RASGRP2: variants seen among roughly 807,000 people sequenced by gnomAD.
RASGRP2 encodes the protein RAS guanyl-releasing protein 2.
In RASGRP2, 44 loss-of-function variants were observed where a neutral mutation model predicts 71.0. The ratio of observed to expected loss-of-function variants is 0.62; its 90% confidence interval spans 0.49 to 0.80. RASGRP2 has a LOEUF of 0.80. Ranked by LOEUF, RASGRP2 falls within the 30% of genes least tolerant of loss-of-function variation. RASGRP2 has a pLI of 0.00. For synonymous variants in RASGRP2, 350 were observed against 330.7 expected (o/e 1.06, Z -0.63); for missense variants, 663 against 813.4 (o/e 0.82, Z 2.25).
rs2046321908 is a variant in RASGRP2 at position 64,740,349 on chromosome 11, A to G, written c.372-186T>C. The stretch of plus-strand genomic sequence containing the variant: ...CCCGACCCCGTCATGCACTCAACAC[A>G]CATTTATGAACAACGTACTCTGTGC... On this transcript the variant is annotated intron_variant, in intron 5 of 16. Coordinates refer to ENST00000394432, the MANE Select transcript of RASGRP2 (RefSeq NM_001098671.2). 25 of 735,540 alleles carry G rather than the reference A, an allele frequency of 3.4e-5. No homozygotes were observed. The South Asian group carries it at 3.6e-4, about 10-fold the overall frequency. The allele number at this position is 735,540 out of a possible 1,614,324, so 45.6% of individuals were successfully genotyped here. A position where few individuals can be genotyped will look rare whatever the true frequency, so the allele number is the denominator to read the frequency against.
chr11:64,734,159 A>G (rs2057856288), intron 12 of RASGRP2, among the ~76,000 whole-genome samples: 1 of 151,814 alleles, frequency 6.6e-6, no homozygotes, highest in Non-Finnish European at 1.5e-5. Context: ...TAAAAATACA[A>G]AAATTAGCCA....
chr11:64,729,532 G>A (rs2057691161), intron 14 of RASGRP2, among the ~76,000 whole-genome samples: 1 of 151,920 alleles, frequency 6.6e-6, no homozygotes. Context: ...AGGCGGGGTT[G>A]CGCTATGTTG....
chr11:64,735,953 C>T lies in RASGRP2; in HGVS notation c.1123G>A (p.Asp375Asn), dbSNP rs1245280018. Residue 375 changes from aspartate to asparagine, a missense_variant, in exon 10 of 17, where the codon GAT becomes AAT. Transcript: ENST00000394432. This position sits in a 1 kb window ranked among gnomAD's most constrained non-coding sequence, Gnocchi z 4.2. ...TGCAGGGACAGCTGGTACAGCTCAT[C>T]CTCCGTCTGATACTGATCCAGAGAC... is the stretch of plus-strand genomic sequence containing the variant. The part of the protein sequence containing the change: ...TVSLDQYQTE[D>N]ELYQLSLQRE... 1.1e-5 allele frequency: 17 copies of T among 1,613,930 alleles called. No homozygotes were observed. The East Asian group carries it at 3.6e-4, about 34-fold the overall frequency.
chr11:64,742,867 G>A lies in RASGRP2; in HGVS notation c.-1C>T, dbSNP rs1272323240. On this transcript the variant is annotated 5_prime_UTR_variant, in exon 2 of 17. Coordinates refer to ENST00000394432, the MANE Select transcript of RASGRP2 (RefSeq NM_001098671.2). The surrounding 1 kb of genome is among the most constrained non-coding windows in gnomAD (Gnocchi z 4.7). ...TGTCCAGGTCCAGGGTGCCTGCCATGGCCGCCGGCGCGGGGTGGGCTGGGC... is the reference window on the plus strand; with the variant it reads ...TGTCCAGGTCCAGGGTGCCTGCCATAGCCGCCGGCGCGGGGTGGGCTGGGC... The A allele has an allele frequency of 1.3e-6, 2 of 1,590,870 alleles. No individual in the cohort carries two copies. Among genetic ancestry groups the A allele is most frequent in the African/African-American group, 1.3e-5 (1 of 74,708 alleles).
In RASGRP2 at chr11:64,741,873, G is replaced by A. The variant is rs1565520366; in HGVS notation, c.176+137C>T. On this transcript the variant is annotated intron_variant, in intron 3 of 16. Transcript: ENST00000394432. ...GGGCAGAGCCTAGGCCCTAGTTGGA[G>A]GCTGGGACGACGCCTGAGCTCTGGG... The A allele has an allele frequency of 1.9e-5, 15 of 782,648 alleles. No homozygotes were observed. In the South Asian group the frequency reaches 2.3e-4, roughly 12 times the overall value. The allele number at this position is 782,648 out of a possible 1,614,324, so 48.5% of individuals were successfully genotyped here.
chr11:64,744,334 C>T, upstream of RASGRP2: 4 of 985,116 alleles, frequency 4.1e-6, no homozygotes, highest in Non-Finnish European at 4.8e-6. Flanking sequence ...CATACTCACT[C>T]CCCCAGGCTG....
chr11:64,730,874 T>C (rs12420660), intron 12 of RASGRP2, among the ~76,000 whole-genome samples: 12 of 152,114 alleles, frequency 7.9e-5, no homozygotes, highest in Admixed American at 4.6e-4. Context: ...TTGGTGAGGA[T>C]TAAATTAGAT....
chr11:64,731,228 C>T (rs1279927626), intron 12 of RASGRP2, among the ~76,000 whole-genome samples: 1 of 152,032 alleles, frequency 6.6e-6, no homozygotes, highest in Non-Finnish European at 1.5e-5. Context: ...TAGTGGCAGG[C>T]ACCTATAATC....
Position 64,735,489 on chromosome 11 carries a change from C to G in RASGRP2, c.1296+53G>C. 1 of 1,611,946 alleles carries G rather than the reference C, an allele frequency of 6.2e-7. No individual in the cohort carries two copies. Among genetic ancestry groups the G allele is most frequent in the Non-Finnish European group, 8.5e-7 (1 of 1,179,926 alleles). ...ACTCGTGCTGGCTTCCAGGGCAGTG[C>G]TCCGGCAAACTGGCCTCTCCCCACA... On this transcript the variant is annotated intron_variant, in intron 11 of 16. Transcript: ENST00000394432. This position sits in a 1 kb window ranked among gnomAD's most constrained non-coding sequence, Gnocchi z 4.2.
chr11:64,739,112 C>T lies in RASGRP2; in HGVS notation c.813+248G>A, dbSNP rs2058037226. Reference sequence around the variant, plus strand: ...TGTGACTGCACCACTGAACTCCAGTCTGGACAACAGAGAGAGAGACCCTGT... The same window carrying T: ...TGTGACTGCACCACTGAACTCCAGTTTGGACAACAGAGAGAGAGACCCTGT... On this transcript the variant is annotated intron_variant, in intron 8 of 16. Coordinates refer to ENST00000394432, the MANE Select transcript of RASGRP2 (RefSeq NM_001098671.2). The surrounding 1 kb of genome is among the most constrained non-coding windows in gnomAD (Gnocchi z 4.2). Among the ~76,000 whole-genome samples, 1 of 150,580 alleles carries T rather than the reference C, an allele frequency of 6.6e-6. No homozygotes were observed. Among genetic ancestry groups the T allele is most frequent in the South Asian group, 2.1e-4 (1 of 4,754 alleles).
Position 64,729,050 on chromosome 11 carries a change from A to C in RASGRP2, c.1592-8T>G. ...GGCAGTTCACTCCACAGGCTGGGGG[A>C]GAGCAAATGGAGAGCCAGCCAGGGA... On this transcript the variant is annotated splice_region_variant and splice_polypyrimidine_tract_variant and intron_variant, in intron 14 of 16. Coordinates refer to ENST00000394432, the MANE Select transcript of RASGRP2 (RefSeq NM_001098671.2). The C allele has an allele frequency of 1.3e-6, 2 of 1,589,342 alleles. No individual in the cohort carries two copies. The highest frequency in any genetic ancestry group is 1.7e-6 in the Non-Finnish European group (2 of 1,174,052).
chr11:64,745,065 C>G (rs2058261791), upstream of RASGRP2: 2 of 151,710 alleles, frequency 1.3e-5, no homozygotes, highest in Admixed American at 1.3e-4. Flanking sequence ...CCACTAGCTG[C>G]CCCGAGGGCG....
intron 12 of RASGRP2, among the ~76,000 whole-genome samples, chr11:64,732,682 G>A (rs2057800139): frequency 1.3e-5 from 2 of 152,156 alleles, no homozygotes; most frequent in South Asian, 2.1e-4. Context: ...TCCGGAGGCT[G>A]AGGCAGGAGA....
intron 3 of RASGRP2, 27 bp downstream of exon 3, chr11:64,741,983 G>C: frequency 6.3e-7 from 1 of 1,588,828 alleles, no homozygotes. Flanking sequence ...CGACGGCGGG[G>C]GCCTTGGCAA....
chr11:64,734,349 T>C (rs185943064), intron 12 of RASGRP2, among the ~76,000 whole-genome samples: 95 of 151,672 alleles, frequency 6.3e-4, no homozygotes, highest in African/African-American at 1.8e-3. Flanking sequence ...GACAGGGTCT[T>C]ACTCTGTTGC....
At chr11:64,738,484 T>C (rs972590566) in intron 8 of RASGRP2, among the ~76,000 whole-genome samples, 2 of 152,192 alleles carry the variant, frequency 1.3e-5, no homozygotes, top group Admixed American at 6.5e-5. Flanking sequence ...TCGCCCAGGC[T>C]GGAGTGAAGT....
intron 3 of RASGRP2, 124 bp from the exon 4 acceptor site, chr11:64,741,625 T>A (rs1053521961): frequency 3.4e-6 from 3 of 870,970 alleles, no homozygotes; most frequent in Non-Finnish European, 5.6e-6. Flanking sequence ...TCTGCGGAGA[T>A]GCTGGGGGTG....
Position 64,735,102 on chromosome 11 carries a change from C to T in RASGRP2, c.1412+10G>A, listed in dbSNP as rs1280038061. On this transcript the variant is annotated intron_variant, in intron 12 of 16. Transcript: ENST00000394432. This position sits in a 1 kb window ranked among gnomAD's most constrained non-coding sequence, Gnocchi z 4.2. ...CCTTCCCTCTCCCCCAGGTCCCCAG[C>T]CCTCCTCACTGGTTCTGGTCGAGGT... 9 of 1,604,788 alleles carry T rather than the reference C, an allele frequency of 5.6e-6. No homozygotes were observed. The highest frequency in any genetic ancestry group is 1.7e-5 in the Admixed American group (1 of 59,990).
chr11:64,744,409 T>G, upstream of RASGRP2: 1 of 690,346 alleles, frequency 1.4e-6, no homozygotes, highest in Non-Finnish European at 1.8e-6. Context: ...CCCAGAGCCG[T>G]CCCCGCCTGG....
Sources: gnomAD v4.1 joint callset for allele counts (sites outside exome capture counted in the v4.1 genomes callset) on GRCh38, gnomAD v4.1.1 for gene constraint, Gnocchi (gnomAD v3.1) non-coding constraint, MANE v1.5 for transcripts, NCBI Gene and HGNC (gene_info 2026-07-23, HGNC 2026-07-21) for gene names.